UTS2B: variants seen among roughly 807,000 people sequenced by gnomAD.
The protein encoded by UTS2B is urotensin-2B.
Under a neutral mutation model 19.2 loss-of-function variants are expected in UTS2B, and 21 were observed. The observed-to-expected ratio is 1.09, with a 90% CI of 0.78 to 1.58. The LOEUF (loss-of-function observed/expected upper bound fraction) is 1.58. Among genes scored for constraint, UTS2B ranks in the 40% most tolerant of loss-of-function variants. The pLI, the probability that UTS2B is intolerant of heterozygous loss-of-function variation, is 0.00. For missense variants in UTS2B, 138 were observed against 130.3 expected (o/e 1.06, Z -0.29); for synonymous variants, 57 against 50.2 (o/e 1.14, Z -0.58).
At chr3:191,342,026 T>A in the UTS2B span, among the ~76,000 whole-genome samples, 7 of 152,236 alleles carry the variant, frequency 4.6e-5, no homozygotes, top group Admixed American at 4.6e-4. Context: ...TCTAGGAATG[T>A]ACCCATGATC....
chr3:191,329,389 G>C (rs1717858423), intron 1 of UTS2B: 2 of 393,134 alleles, frequency 5.1e-6, no homozygotes, highest in Admixed American at 4.9e-5. Flanking sequence ...GGACGGCCCC[G>C]GTCCATTTCC....
intron 8 of UTS2B, among the ~76,000 whole-genome samples, chr3:191,271,511 T>TAAAC (rs1716094359): frequency 6.6e-6 from 1 of 152,190 alleles, no homozygotes; most frequent in Non-Finnish European, 1.5e-5. Flanking sequence ...CCTGGTGTTT[T>TAAAC]GGTAACAATA....
At chr3:191,275,701 CA>C (rs113295650) in intron 7 of UTS2B, among the ~76,000 whole-genome samples, 64 of 100,944 alleles carry the variant, frequency 6.3e-4, no homozygotes, top group Middle Eastern at 5.3e-3. Context: ...AAACAAACAA[CA>C]AAAAAAAAAC....
chr3:191,342,889 G>T, the UTS2B span, among the ~76,000 whole-genome samples: 1 of 152,190 alleles, frequency 6.6e-6, no homozygotes, highest in African/African-American at 2.4e-5. Context: ...ATGACTATCA[G>T]TGGCCTGTTT....
intron 3 of UTS2B, among the ~76,000 whole-genome samples, chr3:191,309,121 T>G (rs780646830): frequency 6.6e-6 from 1 of 152,172 alleles, no homozygotes; most frequent in African/African-American, 2.4e-5. Flanking sequence ...GGGTGTCCAG[T>G]GTTTCTGCAT....
rs2108599611 is a variant in UTS2B at position 191,307,668 on chromosome 3, T to A, written c.-181-3120A>T. Among the ~76,000 whole-genome samples the A allele has an allele frequency of 2.0e-5, 3 of 152,252 alleles. No homozygotes were observed. In the Middle Eastern group the frequency reaches 0.01, roughly 518 times the overall value. ...TCATGGAGTGTTAACTTTCCTGCAC[T>A]TTCAGCCTGTGTTATTCTCCTCCCT... On this transcript the variant is annotated intron_variant, in intron 3 of 8. Transcript: ENST00000340524.
At chr3:191,273,995 G>C (rs915438774) in intron 8 of UTS2B, among the ~76,000 whole-genome samples, 1 of 152,018 alleles carries the variant, frequency 6.6e-6, no homozygotes, top group Non-Finnish European at 1.5e-5. Context: ...CCAGCTACTT[G>C]GGAGGCTGAG....
At chr3:191,282,993 C>T (rs1303511985) in intron 4 of UTS2B, among the ~76,000 whole-genome samples, 1 of 152,052 alleles carries the variant, frequency 6.6e-6, no homozygotes, top group Non-Finnish European at 1.5e-5. Context: ...TTTATGGCTC[C>T]AGTGATGTTA....
chr3:191,271,119 G>A (rs1403984833), intron 8 of UTS2B, among the ~76,000 whole-genome samples: 1 of 144,004 alleles, frequency 6.9e-6, no homozygotes, highest in Non-Finnish European at 1.5e-5. Context: ...CAGAAGAATC[G>A]CTTGAACACG....
At chr3:191,308,971 T>C (rs1717216053) in intron 3 of UTS2B, among the ~76,000 whole-genome samples, 2 of 152,196 alleles carry the variant, frequency 1.3e-5, no homozygotes, top group Non-Finnish European at 2.9e-5. Flanking sequence ...ACCATTAACA[T>C]AGTCATGTAA....
chr3:191,301,612 G>C (rs1469991822), intron 4 of UTS2B, among the ~76,000 whole-genome samples: 1 of 149,024 alleles, frequency 6.7e-6, no homozygotes, highest in African/African-American at 2.5e-5. Context: ...TCAACCTCCC[G>C]AGTAGCTGGG....
At chr3:191,323,308 T>A (rs1268509216) in intron 2 of UTS2B, among the ~76,000 whole-genome samples, 3 of 152,222 alleles carry the variant, frequency 2.0e-5, no homozygotes, top group Non-Finnish European at 4.4e-5. Flanking sequence ...TAACTAGGGC[T>A]ACAGGCATGG....
chr3:191,316,920 C>T (rs753959097), intron 2 of UTS2B, among the ~76,000 whole-genome samples: 8 of 151,544 alleles, frequency 5.3e-5, no homozygotes, highest in Non-Finnish European at 1.0e-4. Flanking sequence ...CTCCAAGTCC[C>T]CACCCGACTC....
chr3:191,314,932 C>T (rs1717405483), intron 3 of UTS2B, among the ~76,000 whole-genome samples: 1 of 152,146 alleles, frequency 6.6e-6, no homozygotes, highest in Non-Finnish European at 1.5e-5. Flanking sequence ...CATCTCTTCA[C>T]CTACATCCTT....
At chr3:191,338,270 T>C in the UTS2B span, among the ~76,000 whole-genome samples, 1 of 152,238 alleles carries the variant, frequency 6.6e-6, no homozygotes, top group Non-Finnish European at 1.5e-5. Flanking sequence ...CCAAATACTT[T>C]GAAAATATTA....
intron 4 of UTS2B, among the ~76,000 whole-genome samples, chr3:191,297,651 T>C (rs145901633): frequency 1.3e-5 from 2 of 152,312 alleles, no homozygotes; most frequent in Non-Finnish European, 2.9e-5. Context: ...AGGACAAGGA[T>C]AGTAATGCCT....
Position 191,302,986 on chromosome 3 carries a change from A to T in UTS2B, c.-125+1506T>A, listed in dbSNP as rs542459870. ...GGCCCCTCCTTACAATAATATCATCAAATAGCGAAGATTAACTAACAGGAA... is the reference window on the plus strand; with the variant it reads ...GGCCCCTCCTTACAATAATATCATCTAATAGCGAAGATTAACTAACAGGAA... On this transcript the variant is annotated intron_variant, in intron 4 of 8. Transcript: ENST00000340524. 2.6e-5 allele frequency among the ~76,000 whole-genome samples: 4 copies of T among 152,338 alleles called. No individual in the cohort carries two copies. The East Asian group carries it at 7.7e-4, about 29-fold the overall frequency.
chr3:191,317,280 C>A (rs1237589536), intron 2 of UTS2B, among the ~76,000 whole-genome samples: 1 of 152,218 alleles, frequency 6.6e-6, no homozygotes, highest in Non-Finnish European at 1.5e-5. Flanking sequence ...GGGCACCAGC[C>A]AGCTTCTCTG....
chr3:191,293,925 A>G (rs1716783844), intron 4 of UTS2B, among the ~76,000 whole-genome samples: 1 of 151,726 alleles, frequency 6.6e-6, no homozygotes, highest in African/African-American at 2.4e-5. Flanking sequence ...CCTGACCAAC[A>G]TGGAGAAACC....
Sources: gnomAD v4.1 joint callset for allele counts (sites outside exome capture counted in the v4.1 genomes callset) on GRCh38, gnomAD v4.1.1 for gene constraint, MANE v1.5 for transcripts, NCBI Gene and HGNC (gene_info 2026-07-23, HGNC 2026-07-21) for gene names.